Variants in DMWD observed in about 807,000 individuals in gnomAD.
The protein encoded by DMWD is dystrophia myotonica WD repeat-containing protein.
In DMWD, 19 loss-of-function variants were observed where a neutral mutation model predicts 45.8. The ratio of observed to expected loss-of-function variants is 0.41; its 90% CI spans 0.29 to 0.61. DMWD has a LOEUF of 0.61. Among genes scored for constraint, DMWD ranks in the 20% least tolerant of loss-of-function variants. DMWD has a pLI of 0.25. For synonymous variants in DMWD, 515 were observed against 440.5 expected, an observed-to-expected ratio of 1.17 and a Z score of -2.12; for missense variants, 802 against 965.2, an observed-to-expected ratio of 0.83 and a Z score of 2.24.
chr19:45,789,393 C>T (rs570085897), intron 2 of DMWD: 39 of 152,346 alleles, frequency 2.6e-4, no homozygotes, highest in African/African-American at 9.1e-4. Context: ...AAGAGCAGTC[C>T]CTGCCCGCGG....
Position 45,792,347 on chromosome 19 carries a change from T to G in DMWD, c.410A>C (p.Tyr137Ser). Residue 137 changes from tyrosine to serine, a missense_variant, in exon 1 of 5, where the codon TAC becomes TCC. Tyr to Ser is a moderately radical substitution (Grantham distance 144). Coordinates refer to ENST00000270223, the MANE Select transcript of DMWD (RefSeq NM_004943.2). The part of the protein sequence containing the change: ...CFNLGRELYF[Y>S]PGCCRRGSQR... ...GCTCCCACGACGACAGCAGCCTGGG[T>G]AGAAATAGAGCTCACGGCCCAAGTT... 1 of 1,610,080 alleles carries G rather than the reference T, an allele frequency of 6.2e-7. No individual in the cohort carries two copies. Among genetic ancestry groups the G allele is most frequent in the Non-Finnish European group, 8.5e-7 (1 of 1,178,288 alleles).
intron 2 of DMWD, among the ~76,000 whole-genome samples, chr19:45,787,481 G>A (rs1167029727): frequency 1.3e-5 from 2 of 152,162 alleles, no homozygotes; most frequent in African/African-American, 2.4e-5. Context: ...CCAGTCCCTG[G>A]TGCCAAAATG....
intron 3 of DMWD, 29 bp downstream of exon 3, chr19:45,785,565 C>A: frequency 3.5e-6 from 5 of 1,448,488 alleles, no homozygotes; most frequent in Middle Eastern, 1.9e-4. Context: ...CCTGCCAGGT[C>A]CCCGGCAGGC....
At chr19:45,785,561 A>C in intron 3 of DMWD, 33 bp downstream of exon 3, 1 of 1,445,444 alleles carries the variant, frequency 6.9e-7, no homozygotes, top group Non-Finnish European at 9.1e-7. Flanking sequence ...AGGTCCTGCC[A>C]GGTCCCCGGC....
In DMWD at chr19:45,785,821, TGCCACTGCC is replaced by T. The variant is rs766369677; in HGVS notation, c.1666_1674del (p.Gly556_Gly558del). On this transcript the variant is annotated inframe_deletion, in exon 3 of 5. Transcript: ENST00000270223. ...GGGCCGCTGGGCTTCTCCCCACCAC[TGCCACTGCC>T]GCCACTGCCACCCCGGCTGATGTTG... 1.5e-5 allele frequency: 24 copies of T among 1,611,170 alleles called. No individual in the cohort carries two copies. The highest frequency in any genetic ancestry group is 4.5e-5 in the East Asian group (2 of 44,876).
intron 2 of DMWD, chr19:45,787,077 G>T: frequency 1.0e-6 from 1 of 959,628 alleles, no homozygotes. Flanking sequence ...GGGAAACAGA[G>T]GCTGCTGCAA....
Position 45,786,242 on chromosome 19 carries a change from G to C in DMWD, c.1254C>G (p.Leu418=). 1.2e-6 allele frequency: 2 copies of C among 1,609,684 alleles called. No individual in the cohort carries two copies. Among genetic ancestry groups the C allele is most frequent in the Non-Finnish European group, 1.7e-6 (2 of 1,177,716 alleles). Residue 418 remains leucine (L), a synonymous_variant, in exon 3 of 5, where the codon CTC becomes CTG. Coordinates refer to ENST00000270223, the MANE Select transcript of DMWD (RefSeq NM_004943.2). ...AGTGSAGGAP[L]SPLPKAGSIT... is the part of the protein sequence containing the mutation. ...TGGAGCCAGCCTTGGGCAGTGGAGA[G>C]AGCGGGGCGCCCCCGGCCGAGCCTG...
At position 45,790,950 on chromosome 19, in the gene DMWD, G is replaced by A. The variant is rs1970348717; in HGVS notation, c.579C>T (p.Tyr193=). ...TGGTGTCCTTTTTGATGAGATCCAG[G>A]TACTGCACTTGACCCGCTGAGAAGC... The part of the protein sequence containing the change: ...LVGFSAGQVQ[Y]LDLIKKDTSK... Residue 193 remains tyrosine (Y), a synonymous_variant, in exon 2 of 5, where the codon TAC becomes TAT. Coordinates refer to ENST00000270223, the MANE Select transcript of DMWD (RefSeq NM_004943.2). The A allele has an allele frequency of 6.2e-7, 1 of 1,613,450 alleles. No individual in the cohort carries two copies. The highest frequency in any genetic ancestry group is 1.1e-5 in the South Asian group (1 of 91,046).
At position 45,785,636 on chromosome 19, in the gene DMWD, G is replaced by A. The variant is rs1970259810; in HGVS notation, c.1860C>T (p.Cys620=). The change falls in exon 3 of 5, where the codon TGC becomes TGT. Residue 620 remains cysteine (C), a synonymous_variant. Transcript: ENST00000270223. The part of the protein sequence containing the change: ...LFLEDCIITA[C]QEGLICTWAR... Reference sequence around the variant, plus strand: ...CCCAGGTGCAGATGAGGCCCTCCTGGCAGGCAGTGATGATGCAGTCCTCCA... The same window carrying A: ...CCCAGGTGCAGATGAGGCCCTCCTGACAGGCAGTGATGATGCAGTCCTCCA... 2 of 1,540,668 alleles carry A rather than the reference G, an allele frequency of 1.3e-6. No individual in the cohort carries two copies. The highest frequency in any genetic ancestry group is 1.7e-4 in the Middle Eastern group (1 of 5,716).
chr19:45,785,370 C>T lies in DMWD; in HGVS notation c.1902+224G>A, dbSNP rs1461677087. On this transcript the variant is annotated intron_variant, in intron 3 of 4. Transcript: ENST00000270223. ...CTTGGATGCCCCAATTCCTAGCTGG[C>T]TCTCACACCCACCCCTCTTTCTGCT... 6.4e-6 allele frequency: 8 copies of T among 1,244,834 alleles called. No homozygotes were observed. The South Asian group carries it at 2.9e-4, about 44-fold the overall frequency. The allele number at this position is 1,244,834 out of a possible 1,614,324, so 77.1% of individuals were successfully genotyped here. A position where few individuals can be genotyped will look rare whatever the true frequency, so the allele number is the denominator to read the frequency against.
rs1380012510 is a variant in DMWD, at chr19:45,786,221, G to A, written c.1275C>T (p.Gly425=). The A allele has an allele frequency of 1.9e-6, 3 of 1,611,498 alleles. No homozygotes were observed. In the South Asian group the frequency reaches 3.3e-5, roughly 18 times the overall value. Reference sequence around the variant, plus strand: ...CCGAGCCAAAGCGGTAAGTAATGGAGCCAGCCTTGGGCAGTGGAGAGAGCG... The same window carrying A: ...CCGAGCCAAAGCGGTAAGTAATGGAACCAGCCTTGGGCAGTGGAGAGAGCG... ...GAPLSPLPKA[G]SITYRFGSAG... Residue 425 remains glycine (G), a synonymous_variant, in exon 3 of 5, where the codon GGC becomes GGT. Coordinates refer to ENST00000270223, the MANE Select transcript of DMWD (RefSeq NM_004943.2).
In DMWD at chr19:45,784,664, A is replaced by C. The variant is rs777171002; in HGVS notation, c.1954T>G (p.Ser652Ala). The change falls in exon 4 of 5, where the codon TCA becomes GCA. Residue 652 changes from serine to alanine, a missense_variant. By Grantham distance (99) the Ser-to-Ala change is moderately conservative (BLOSUM62 1). Around this residue, in one of 9 missense-constraint regions of DMWD, gnomAD observed 303 missense variants for 332.9 expected, o/e 0.91. Transcript: ENST00000270223. ...ACCTCTACCACTGACTTGCTGGGTG[A>C]CCTGGGCCAACTTCCTTCCCCTGTC... ...AQTGEGSWPRSPSKSVVEGIS... is the reference protein window; with the variant it reads ...AQTGEGSWPRAPSKSVVEGIS... 1 of 1,613,598 alleles carries C rather than the reference A, an allele frequency of 6.2e-7. No individual in the cohort carries two copies. The highest frequency in any genetic ancestry group is 8.5e-7 in the Non-Finnish European group (1 of 1,179,656).
chr19:45,792,292 G>T (rs751801315), intron 1 of DMWD, 24 bp downstream of exon 1: 1 of 1,597,768 alleles, frequency 6.3e-7, no homozygotes, highest in South Asian at 1.1e-5. Flanking sequence ...CAGCACCCAG[G>T]GCCCCACGAT....
Position 45,786,998 on chromosome 19 carries a change from C to T in DMWD, c.625-127G>A. 9.6e-6 allele frequency: 14 copies of T among 1,453,686 alleles called. No individual in the cohort carries two copies. In the South Asian group the frequency reaches 1.8e-4, roughly 19 times the overall value. 90.0% of individuals were successfully genotyped at this position (1,453,686 alleles called of 1,614,324 possible). On this transcript the variant is annotated intron_variant, in intron 2 of 4. Coordinates refer to ENST00000270223, the MANE Select transcript of DMWD (RefSeq NM_004943.2). Reference sequence around the variant, plus strand: ...CTCACACAGCAGGTGCCACACCAGGCCCAGGTCCTCCTCGGAGAGAAGCTC... The same window carrying T: ...CTCACACAGCAGGTGCCACACCAGGTCCAGGTCCTCCTCGGAGAGAAGCTC...
In DMWD at chr19:45,790,989, G is replaced by A. The variant is rs1247070967; in HGVS notation, c.540C>T (p.Ile180=). The change falls in exon 2 of 5, where the codon ATC becomes ATT. Residue 180 remains isoleucine (I), a synonymous_variant. Transcript: ENST00000270223. ...CCGCTGAGAAGCCCACCAGCAGCGAGATGGTCTCGGTGGCAGCAGTGAACT... is the reference window on the plus strand; with the variant it reads ...CCGCTGAGAAGCCCACCAGCAGCGAAATGGTCTCGGTGGCAGCAGTGAACT... The part of the protein sequence containing the change: ...FNQFTAATET[I]SLLVGFSAGQ... The A allele has an allele frequency of 6.2e-7, 1 of 1,614,146 alleles. No individual in the cohort carries two copies. Among genetic ancestry groups the A allele is most frequent in the Admixed American group, 1.7e-5 (1 of 60,008 alleles).
intron 2 of DMWD, chr19:45,787,084 G>T (rs1010896340): frequency 7.9e-6 from 7 of 883,408 alleles, no homozygotes; most frequent in Non-Finnish European, 1.2e-5. Context: ...AGAGGCTGCT[G>T]CAAGGTGGCC....
intron 2 of DMWD, 103 bp downstream of exon 2, chr19:45,790,802 C>A (rs779263959): frequency 5.2e-6 from 7 of 1,336,462 alleles, no homozygotes; most frequent in African/African-American, 1.5e-5. Context: ...CCTGGTCCTG[C>A]CCCTCTCAGG....
chr19:45,784,530 G>T, intron 4 of DMWD, 111 bp downstream of exon 4: 1 of 1,498,950 alleles, frequency 6.7e-7, no homozygotes. Context: ...CGGATCCTGA[G>T]TGAGACCATG....
chr19:45,792,824 G>A lies in DMWD; in HGVS notation c.-68C>T. The A allele has an allele frequency of 2.8e-6, 3 of 1,065,114 alleles. No individual in the cohort carries two copies. The highest frequency in any genetic ancestry group is 3.4e-6 in the Non-Finnish European group (3 of 882,316). The allele number at this position is 1,065,114 out of a possible 1,614,324, so 66.0% of individuals were successfully genotyped here. A position where few individuals can be genotyped will look rare whatever the true frequency, so the allele number is the denominator to read the frequency against. On this transcript the variant is annotated 5_prime_UTR_variant, in exon 1 of 5. Transcript: ENST00000270223. ...GCAGCCGGGCCCCCTCCCGGAAGCC[G>A]CTGGCCCGCGCCGGAAAAGGTGGGG...
Sources: gnomAD v4.1 joint callset for allele counts (sites outside exome capture counted in the v4.1 genomes callset) on GRCh38, gnomAD v4.1.1 for gene constraint, gnomAD v4.1.1 regional missense constraint, MANE v1.5 for transcripts, NCBI Gene and HGNC (gene_info 2026-07-23, HGNC 2026-07-21) for gene names.